The following GATAD2A variants were observed in gnomAD, a reference collection of about 807,000 sequenced individuals.
GATAD2A encodes the protein transcriptional repressor p66-alpha.
A neutral mutation model predicts 68.5 loss-of-function variants in GATAD2A; 12 were observed. The observed-to-expected ratio is 0.18, with a 90% CI of 0.11 to 0.28. The LOEUF (loss-of-function observed/expected upper bound fraction) is 0.28. Among genes scored for constraint, GATAD2A ranks in the 10% least tolerant of loss-of-function variants. The pLI is 1.00. For missense variants in GATAD2A, 755 were observed against 868.5 expected (o/e 0.87, Z 1.64); for synonymous variants, 410 against 375.3 (o/e 1.09, Z -1.07).
At chr19:19,468,750 G>A (rs2058056075) in intron 2 of GATAD2A, among the ~76,000 whole-genome samples, 1 of 152,192 alleles carries the variant, frequency 6.6e-6, no homozygotes, top group African/African-American at 2.4e-5. Context: ...ACATTGTCAG[G>A]TAAACAAGAC....
chr19:19,418,672 A>C (rs1308642357), intron 1 of GATAD2A, among the ~76,000 whole-genome samples: 1 of 152,308 alleles, frequency 6.6e-6, no homozygotes, highest in African/African-American at 2.4e-5. Flanking sequence ...CTCTGAAACA[A>C]CCACATGAAT....
At chr19:19,429,362 G>T (rs2053470372) in intron 1 of GATAD2A, 1 of 318,252 alleles carries the variant, frequency 3.1e-6, no homozygotes, top group Non-Finnish European at 4.5e-6. Context: ...TCTGGCACGG[G>T]GAGTAGGCAG....
At position 19,501,555 on chromosome 19, in the gene GATAD2A, A is replaced by G. The variant is rs951128850; in HGVS notation, c.1503+139A>G. 1.0e-4 allele frequency: 70 copies of G among 701,780 alleles called. No individual in the cohort carries two copies. In the South Asian group the frequency reaches 1.1e-3, roughly 11 times the overall value. The allele number at this position is 701,780 out of a possible 1,614,324, so 43.5% of individuals were successfully genotyped here. ...TTAATGGTGGTGTTGGGCGGCAAAA[A>G]CACTAATTTGCAGTTTCTTTAGACT... On this transcript the variant is annotated intron_variant, in intron 9 of 11. Coordinates refer to ENST00000683918, the MANE Select transcript of GATAD2A (RefSeq NM_001384528.1).
At chr19:19,393,795 C>T (rs1330575937) in intron 1 of GATAD2A, among the ~76,000 whole-genome samples, 1 of 151,796 alleles carries the variant, frequency 6.6e-6, no homozygotes, top group Non-Finnish European at 1.5e-5. Context: ...TGATTGTTGG[C>T]GATAGTTGAT....
intron 1 of GATAD2A, among the ~76,000 whole-genome samples, chr19:19,444,297 CT>C (rs34349730): frequency 0.32 from 49,133 of 152,016 alleles, 8,302 homozygotes; most frequent in South Asian, 0.51. Context: ...TTGCACATGA[CT>C]TGTTTCGTGA....
intron 1 of GATAD2A, among the ~76,000 whole-genome samples, chr19:19,432,991 C>T (rs1001557071): frequency 6.6e-6 from 1 of 152,210 alleles, no homozygotes; most frequent in Admixed American, 6.5e-5. Flanking sequence ...AACCAACAGG[C>T]TTTCCTGAGT....
In GATAD2A at chr19:19,440,856, C is replaced by T. The variant is rs374072056; in HGVS notation, c.-6-24484C>T. 4.1e-4 allele frequency among the ~76,000 whole-genome samples: 63 copies of T among 152,332 alleles called. 1 individual carries two copies. In the East Asian group the frequency reaches 8.1e-3, roughly 20 times the overall value. On this transcript the variant is annotated intron_variant, in intron 1 of 11. Transcript: ENST00000683918. Reference sequence around the variant, plus strand: ...CGTAGTTTGACTGTAAATGTTTTAGCGAGATACCCAATAAAGGTAAACAAA... The same window carrying T: ...CGTAGTTTGACTGTAAATGTTTTAGTGAGATACCCAATAAAGGTAAACAAA...
At chr19:19,479,158 C>G (rs978849968) in intron 2 of GATAD2A, among the ~76,000 whole-genome samples, 2 of 152,146 alleles carry the variant, frequency 1.3e-5, no homozygotes, top group Non-Finnish European at 2.9e-5. Flanking sequence ...TGAGTTGGCC[C>G]TTAGACTCTG....
intron 1 of GATAD2A, among the ~76,000 whole-genome samples, chr19:19,422,603 C>G (rs1236663280): frequency 6.6e-6 from 1 of 152,184 alleles, no homozygotes; most frequent in East Asian, 1.9e-4. Context: ...CTGAGGAGCC[C>G]TTGCTCTTCT....
At chr19:19,462,720 C>T (rs1455997096) in intron 1 of GATAD2A, among the ~76,000 whole-genome samples, 1 of 152,236 alleles carries the variant, frequency 6.6e-6, no homozygotes, top group Non-Finnish European at 1.5e-5. Flanking sequence ...CATCCTGCAT[C>T]TCTCAGAACC....
Position 19,506,990 on chromosome 19 carries a change from G to C in GATAD2A, c.*1516G>C, listed in dbSNP as rs1015706996. On this transcript the variant is annotated 3_prime_UTR_variant, in exon 12 of 12. Coordinates refer to ENST00000683918, the MANE Select transcript of GATAD2A (RefSeq NM_001384528.1). Reference sequence around the variant, plus strand: ...CTCATTTAACCCCCAGGCTCCTGTCGTGTGAATATCCTCAGTCTGTAGGAA... The same window carrying C: ...CTCATTTAACCCCCAGGCTCCTGTCCTGTGAATATCCTCAGTCTGTAGGAA... 1.3e-5 allele frequency: 2 copies of C among 152,128 alleles called. No individual in the cohort carries two copies. Among genetic ancestry groups the C allele is most frequent in the African/African-American group, 4.8e-5 (2 of 41,400 alleles). The allele number at this position is 152,128 out of a possible 1,614,324, so 9.4% of individuals were successfully genotyped here. A position where few individuals can be genotyped will look rare whatever the true frequency, so the allele number is the denominator to read the frequency against.
intron 1 of GATAD2A, among the ~76,000 whole-genome samples, chr19:19,417,994 G>A (rs1179915753): frequency 6.6e-6 from 1 of 152,166 alleles, no homozygotes; most frequent in African/African-American, 2.4e-5. Context: ...TCATGATGCA[G>A]ACATCTGGGG....
intron 11 of GATAD2A, among the ~76,000 whole-genome samples, chr19:19,503,902 G>A (rs2060709774): frequency 6.6e-6 from 1 of 152,118 alleles, no homozygotes; most frequent in Admixed American, 6.5e-5. Context: ...AAATGTATTA[G>A]CCACCACTAA....
intron 2 of GATAD2A, among the ~76,000 whole-genome samples, chr19:19,489,195 A>G (rs2059626998): frequency 6.6e-6 from 1 of 152,264 alleles, no homozygotes; most frequent in Non-Finnish European, 1.5e-5. Context: ...CGGTGTATGT[A>G]GAGGTGACTG....
chr19:19,408,148 G>A (rs775644565), intron 1 of GATAD2A, among the ~76,000 whole-genome samples: 2 of 152,020 alleles, frequency 1.3e-5, no homozygotes, highest in Non-Finnish European at 2.9e-5. Flanking sequence ...TACCATGCCC[G>A]GCTAAGTTTT....
intron 2 of GATAD2A, among the ~76,000 whole-genome samples, chr19:19,472,247 C>A (rs986642537): frequency 6.6e-6 from 1 of 152,078 alleles, no homozygotes; most frequent in African/African-American, 2.4e-5. Context: ...CCTGCACTTT[C>A]CTGTAGGGGA....
At chr19:19,463,555 A>G (rs918915964) in intron 1 of GATAD2A, among the ~76,000 whole-genome samples, 5 of 152,248 alleles carry the variant, frequency 3.3e-5, no homozygotes, top group Admixed American at 2.0e-4. Flanking sequence ...GAGGCCGCAC[A>G]GTTGGTGTGG....
chr19:19,411,139 C>G (rs538758643), intron 1 of GATAD2A, among the ~76,000 whole-genome samples: 4 of 152,264 alleles, frequency 2.6e-5, no homozygotes, highest in Non-Finnish European at 5.9e-5. Context: ...ATTCCCCTCT[C>G]TCCATGTTCC....
In GATAD2A at chr19:19,495,751, C is replaced by T. The variant is rs781522252; in HGVS notation, c.625-3C>T. 6.2e-7 allele frequency: 1 copy of T among 1,603,966 alleles called. No individual in the cohort carries two copies. Among genetic ancestry groups the T allele is most frequent in the East Asian group, 2.2e-5 (1 of 44,608 alleles). ...TAAATCTGGGTCTTGGTATCGTTGG[C>T]AGACCTCTTCAGCTCGGATGCCCGG... On this transcript the variant is annotated splice_region_variant and splice_polypyrimidine_tract_variant and intron_variant, in intron 5 of 11. Coordinates refer to ENST00000683918, the MANE Select transcript of GATAD2A (RefSeq NM_001384528.1).
Sources: gnomAD v4.1 joint callset for allele counts (sites outside exome capture counted in the v4.1 genomes callset) on GRCh38, gnomAD v4.1.1 for gene constraint, MANE v1.5 for transcripts, NCBI Gene and HGNC (gene_info 2026-07-23, HGNC 2026-07-21) for gene names.